The following ILF2 variants were observed in gnomAD, a reference collection of about 807,000 sequenced individuals.
The protein encoded by ILF2 is interleukin enhancer binding factor 2, also known as interleukin enhancer-binding factor 2.
In ILF2, 9 loss-of-function variants were observed where a neutral mutation model predicts 55.3. That is an observed-to-expected ratio of 0.16 (90% CI 0.10 to 0.28). The LOEUF is 0.28. Ranked by LOEUF, ILF2 falls within the 10% of genes least tolerant of loss-of-function variation. The pLI, the probability that ILF2 is intolerant of heterozygous loss-of-function variation, is 1.00. For synonymous variants in ILF2, 151 were observed against 161.8 expected (o/e 0.93, Z 0.50); for missense variants, 266 against 474.9 (o/e 0.56, Z 4.09).
rs769467844 is a variant in ILF2, at chr1:153,662,363, C to T, written c.*33G>A. ...AGCAGGCAGCTTAGGCTCCAGTCTT[C>T]CCCCTTGGGTAGGAAAAGGAGTGAA... is the stretch of plus-strand genomic sequence containing the variant. On this transcript the variant is annotated 3_prime_UTR_variant, in exon 14 of 14. Coordinates refer to ENST00000361891, the MANE Select transcript of ILF2 (RefSeq NM_004515.4). 1.2e-6 allele frequency: 2 copies of T among 1,612,896 alleles called. No individual in the cohort carries two copies. The highest frequency in any genetic ancestry group is 3.3e-5 in the Admixed American group (2 of 59,910).
At chr1:153,668,909 T>A (rs1361407357) in intron 3 of ILF2, among the ~76,000 whole-genome samples, 1 of 147,020 alleles carries the variant, frequency 6.8e-6, no homozygotes, top group African/African-American at 2.5e-5. Flanking sequence ...AAAAAAAAAA[T>A]TTATTCAAAG....
chr1:153,663,766 G>A (rs1229494071), intron 10 of ILF2, among the ~76,000 whole-genome samples: 1 of 150,018 alleles, frequency 6.7e-6, no homozygotes, highest in East Asian at 1.9e-4. Flanking sequence ...AGAAGAAAAC[G>A]GGACACTATA....
intron 3 of ILF2, among the ~76,000 whole-genome samples, chr1:153,669,196 A>C (rs1669385488): frequency 1.3e-5 from 2 of 151,916 alleles, no homozygotes; most frequent in Admixed American, 1.3e-4. Context: ...AGATTGCACC[A>C]CTGCACTCCA....
intron 6 of ILF2, among the ~76,000 whole-genome samples, 159 bp from the exon 7 acceptor site, chr1:153,665,887 G>A (rs529172103): frequency 2.6e-4 from 40 of 152,238 alleles, no homozygotes; most frequent in African/African-American, 9.1e-4. Context: ...GCCAAGGCCT[G>A]GGCAGAAAAA....
intron 7 of ILF2, 112 bp from the exon 8 acceptor site, chr1:153,665,448 A>G: frequency 5.0e-6 from 4 of 805,890 alleles, no homozygotes; most frequent in Non-Finnish European, 8.5e-6. Flanking sequence ...CAAAGTCCAG[A>G]ATGAGAATTT....
At position 153,664,056 on chromosome 1, in the gene ILF2, A is replaced by C. The variant is rs1178656217; in HGVS notation, c.731T>G (p.Ile244Ser). 18 of 1,611,978 alleles carry C rather than the reference A, an allele frequency of 1.1e-5. No individual in the cohort carries two copies. Among genetic ancestry groups the C allele is most frequent in the Non-Finnish European group, 1.5e-5 (18 of 1,178,296 alleles). ...ATCTTTACTTACTAGTAGGTCAAGG[A>C]TCCAGGGTGTGAGGGGCTCAAAGCC... ...FPGFEPLTPW[I>S]LDLLGHYAVM... is the part of the protein sequence containing the mutation. Residue 244 changes from isoleucine to serine, a missense_variant, in exon 10 of 14, where the codon ATC (isoleucine) becomes AGC (serine). Physicochemically the swap from Ile to Ser is moderately radical, Grantham distance 142 (BLOSUM62 -2). Transcript: ENST00000361891.
At position 153,662,401 on chromosome 1, in the gene ILF2, C is replaced by T; in HGVS notation, c.1168G>A (p.Glu390Lys). ...GEEEESMETQ[E>K] ...GAAAAGGAGTGAAGGGAATGTCACT[C>T]CTGAGTTTCCATGCTTTCTTCTTCC... is the stretch of plus-strand genomic sequence containing the variant. The change falls in exon 14 of 14, where the codon GAG becomes AAG. Residue 390 changes from glutamate to lysine, a missense_variant. Coordinates refer to ENST00000361891, the MANE Select transcript of ILF2 (RefSeq NM_004515.4). The T allele has an allele frequency of 6.2e-7, 1 of 1,614,070 alleles. No individual in the cohort carries two copies. The highest frequency in any genetic ancestry group is 8.5e-7 in the Non-Finnish European group (1 of 1,179,982).
At chr1:153,670,594 C>G (rs2101718401) in intron 1 of ILF2, among the ~76,000 whole-genome samples, 1 of 152,284 alleles carries the variant, frequency 6.6e-6, no homozygotes, top group East Asian at 1.9e-4. Context: ...GCGGCTCGCT[C>G]CAGCATTCTC....
rs769992514 is a variant in ILF2, at chr1:153,668,004, T to A, written c.287A>T (p.Glu96Val). ...ACTAAATCATCAAAAACTCACCACT[T>A]CAAATGTCCCTGGAGCCACAATCAG... ...DNLIVAPGTF[E>V]VQIEEVRQVG... The change falls in exon 5 of 14, where the codon GAA becomes GTA. Residue 96 changes from glutamate to valine, a missense_variant. Coordinates refer to ENST00000361891, the MANE Select transcript of ILF2 (RefSeq NM_004515.4). 1.9e-6 allele frequency: 3 copies of A among 1,608,972 alleles called. No homozygotes were observed. Among genetic ancestry groups the A allele is most frequent in the African/African-American group, 2.7e-5 (2 of 74,770 alleles).
At position 153,666,300 on chromosome 1, in the gene ILF2, C is replaced by CA. The variant is rs1387867315; in HGVS notation, c.395-573dup. On this transcript the variant is annotated intron_variant, in intron 6 of 13. Coordinates refer to ENST00000361891, the MANE Select transcript of ILF2 (RefSeq NM_004515.4). ...CCAGGTTCAAGCAACTCTCCTGCCT[C>CA]AGCCTCCCAAGTAGTGGGGATTACA... Among the ~76,000 whole-genome samples, 3 of 152,232 alleles carry CA rather than the reference C, an allele frequency of 2.0e-5. No homozygotes were observed. The East Asian group carries it at 5.8e-4, about 29-fold the overall frequency.
At chr1:153,664,588 C>T (rs770727489) in intron 8 of ILF2, 114 bp from the exon 9 acceptor site, 1 of 828,258 alleles carries the variant, frequency 1.2e-6, no homozygotes, top group Non-Finnish European at 2.0e-6. Flanking sequence ...CGGAGTCTCG[C>T]TCTGTTGTCC....
Position 153,670,772 on chromosome 1 carries a change from T to TG in ILF2, c.5+145_5+146insC, listed in dbSNP as rs1669424550. 5.1e-6 allele frequency: 5 copies of TG among 978,048 alleles called. No homozygotes were observed. The African/African-American group carries it at 6.4e-5, about 13-fold the overall frequency. 60.6% of individuals were successfully genotyped at this position (978,048 alleles called of 1,614,324 possible). A position where few individuals can be genotyped will look rare whatever the true frequency, so the allele number is the denominator to read the frequency against. The stretch of plus-strand genomic sequence containing the variant: ...CCCCGCCTCTACCGGCCTCCATCTC[T>TG]CCCACTATCCTAGACCAGGAGTTCT... On this transcript the variant is annotated intron_variant, in intron 1 of 13. Transcript: ENST00000361891.
rs537694722 is a variant in ILF2 at position 153,665,533 on chromosome 1, A to C, written c.460+130T>G. On this transcript the variant is annotated intron_variant, in intron 7 of 13. Coordinates refer to ENST00000361891, the MANE Select transcript of ILF2 (RefSeq NM_004515.4). ...TTGAACACCTGAAGCCCCTGCCAAA[A>C]ACTCCCACAACATAAAACTCTGCAT... 7.8e-6 allele frequency: 7 copies of C among 897,930 alleles called. No individual in the cohort carries two copies. In the East Asian group the frequency reaches 1.7e-4, roughly 22 times the overall value. 55.6% of individuals were successfully genotyped at this position (897,930 alleles called of 1,614,324 possible).
chr1:153,664,578 CG>C (rs2101713233), intron 8 of ILF2, 104 bp from the exon 9 acceptor site: 1 of 885,636 alleles, frequency 1.1e-6, no homozygotes, highest in African/African-American at 1.6e-5. Context: ...GCAGGATAGA[CG>C]GAGTCTCGCT....
chr1:153,669,986 A>T (rs1405009271), intron 2 of ILF2, 108 bp from the exon 3 acceptor site: 6 of 1,129,178 alleles, frequency 5.3e-6, no homozygotes, highest in Non-Finnish European at 8.1e-6. Flanking sequence ...TGAGTGACAA[A>T]GTCTCCGGGG....
At chr1:153,665,560 T>G in intron 7 of ILF2, 103 bp downstream of exon 7, 1 of 1,052,028 alleles carries the variant, frequency 9.5e-7, no homozygotes, top group Non-Finnish European at 1.5e-6. Context: ...ACTCTGCATT[T>G]ACTCTTCCAT....
At position 153,662,068 on chromosome 1, in the gene ILF2, GA is replaced by G. The variant is rs936656028; in HGVS notation, c.*327del. ...GGAAGTACTTTAATAGTTTTTCTTA[GA>G]AAAAAAAATTTCCAGACACTTAACA... On this transcript the variant is annotated 3_prime_UTR_variant, in exon 14 of 14. Transcript: ENST00000361891. 6.0e-5 allele frequency: 12 copies of G among 199,566 alleles called. No homozygotes were observed. Among genetic ancestry groups the G allele is most frequent in the South Asian group, 2.7e-4 (2 of 7,512 alleles). 12.4% of individuals were successfully genotyped at this position (199,566 alleles called of 1,614,324 possible). A position where few individuals can be genotyped will look rare whatever the true frequency, so the allele number is the denominator to read the frequency against.
Position 153,662,254 on chromosome 1 carries a change from G to T in ILF2, c.*142C>A. On this transcript the variant is annotated 3_prime_UTR_variant, in exon 14 of 14. Transcript: ENST00000361891. ...AGCTAAGCCAATATCAAAACCCAGT[G>T]GAATGACACTTCTATGGAGTTTACT... 1 of 1,039,048 alleles carries T rather than the reference G, an allele frequency of 9.6e-7. No homozygotes were observed. Among genetic ancestry groups the T allele is most frequent in the Non-Finnish European group, 1.4e-6 (1 of 713,610 alleles). 64.4% of individuals were successfully genotyped at this position (1,039,048 alleles called of 1,614,324 possible).
chr1:153,670,685 G>A (rs543898015), intron 1 of ILF2, among the ~76,000 whole-genome samples: 1 of 152,054 alleles, frequency 6.6e-6, no homozygotes, highest in East Asian at 1.9e-4. Context: ...ACCCTTCAGA[G>A]ACAAAGGTGT....
Sources: gnomAD v4.1 joint callset for allele counts (sites outside exome capture counted in the v4.1 genomes callset) on GRCh38, gnomAD v4.1.1 for gene constraint, MANE v1.5 for transcripts, NCBI Gene and HGNC (gene_info 2026-07-23, HGNC 2026-07-21) for gene names.